Variants in PDE7B observed in about 807,000 individuals in gnomAD.
The protein encoded by PDE7B is phosphodiesterase 7B.
PDE7B carries 29 observed loss-of-function variants against 56.2 expected under a neutral mutation model. That is an observed-to-expected ratio of 0.52 (90% CI 0.38 to 0.70). The LOEUF (loss-of-function observed/expected upper bound fraction) is 0.70, where lower values mean the gene tolerates loss of function less well. Among genes scored for constraint, PDE7B ranks in the 30% least tolerant of loss-of-function variants. The probability of loss-of-function intolerance (pLI) is 0.00; values close to 1 mark genes in which losing one functional copy is unlikely to be tolerated. For synonymous variants in PDE7B, 197 were observed against 196.9 expected, an observed-to-expected ratio of 1.00 and a Z score of 0.00; for missense variants, 490 against 565.0, an observed-to-expected ratio of 0.87 and a Z score of 1.35.
chr6:136,186,309 T>C (rs1264335928), intron 11 of PDE7B, among the ~76,000 whole-genome samples: 2 of 152,070 alleles, frequency 1.3e-5, no homozygotes, highest in African/African-American at 4.8e-5. Flanking sequence ...ATGCCTGTAG[T>C]CCAAGCTACT....
rs1033630147 is a variant in PDE7B at position 136,191,457 on chromosome 6, G to A, written c.1127-157G>A. The stretch of plus-strand genomic sequence containing the variant: ...CGAGGCGGGCGGATCACTTGAGGTC[G>A]GGAGTTCAAGGCCAACCTGGCCAAC... On this transcript the variant is annotated intron_variant, in intron 12 of 12. Transcript: ENST00000308191. 113 of 645,146 alleles carry A rather than the reference G, an allele frequency of 1.8e-4. 4 individuals carry two copies. The South Asian group carries it at 2.1e-3, about 12-fold the overall frequency. 40.0% of individuals were successfully genotyped at this position (645,146 alleles called of 1,614,324 possible). A position where few individuals can be genotyped will look rare whatever the true frequency, so the allele number is the denominator to read the frequency against.
intron 3 of PDE7B, chr6:136,117,222 T>TA (rs1777848455): frequency 6.6e-6 from 1 of 152,224 alleles, no homozygotes; most frequent in African/African-American, 2.4e-5. Context: ...AAGTTTTTTT[T>TA]ACTGAAGTTA....
At chr6:135,990,098 G>GTTT (rs34915536) in intron 2 of PDE7B, among the ~76,000 whole-genome samples, 12 of 137,794 alleles carry the variant, frequency 8.7e-5, no homozygotes, top group Non-Finnish European at 1.3e-4. Context: ...GGGTTTTTTT[G>GTTT]TTTTTTTTTT....
chr6:136,185,085 T>C, intron 11 of PDE7B, among the ~76,000 whole-genome samples: 1 of 152,138 alleles, frequency 6.6e-6, no homozygotes, highest in Non-Finnish European at 1.5e-5. Context: ...CTTAATATTA[T>C]ATGGTGTTCT....
chr6:135,922,410 A>AG (rs2128195566), intron 1 of PDE7B, among the ~76,000 whole-genome samples: 1 of 152,262 alleles, frequency 6.6e-6, no homozygotes, highest in East Asian at 1.9e-4. Context: ...TGAATTCCCA[A>AG]GGGGGTGAGT....
At chr6:135,969,405 C>T (rs922807196) in intron 2 of PDE7B, among the ~76,000 whole-genome samples, 14 of 152,064 alleles carry the variant, frequency 9.2e-5, no homozygotes, top group Non-Finnish European at 2.1e-4. Context: ...AAAGAAACTT[C>T]TCTATAATGA....
At chr6:135,885,766 A>T (rs1775696744) in intron 1 of PDE7B, among the ~76,000 whole-genome samples, 2 of 152,236 alleles carry the variant, frequency 1.3e-5, no homozygotes, top group Non-Finnish European at 2.9e-5. Context: ...TGATGACTAG[A>T]AGAAAGAACC....
At chr6:136,175,638 TAA>T (rs1778964756) in intron 9 of PDE7B, among the ~76,000 whole-genome samples, 1 of 152,172 alleles carries the variant, frequency 6.6e-6, no homozygotes, top group Non-Finnish European at 1.5e-5. Flanking sequence ...TTATTTACAA[TAA>T]AGACTTTTTT....
intron 2 of PDE7B, among the ~76,000 whole-genome samples, chr6:135,957,866 G>T (rs1173369042): frequency 6.6e-6 from 1 of 152,102 alleles, no homozygotes; most frequent in African/African-American, 2.4e-5. Flanking sequence ...GAGACCAAAG[G>T]TGCTAAGCCA....
At chr6:135,881,510 A>G (rs1775610459) in intron 1 of PDE7B, among the ~76,000 whole-genome samples, 1 of 152,176 alleles carries the variant, frequency 6.6e-6, no homozygotes, top group Non-Finnish European at 1.5e-5. Flanking sequence ...CTGTCTCAAA[A>G]AAAAAGAAAT....
intron 1 of PDE7B, among the ~76,000 whole-genome samples, chr6:135,861,380 T>C (rs9885953): frequency 0.082 from 12,402 of 151,760 alleles, 1,396 homozygotes; most frequent in African/African-American, 0.26. Flanking sequence ...TGGTAACTTA[T>C]CTTGGTTTTA....
chr6:135,899,766 A>T (rs1412423656), intron 1 of PDE7B, among the ~76,000 whole-genome samples: 1 of 152,070 alleles, frequency 6.6e-6, no homozygotes, highest in African/African-American at 2.4e-5. Context: ...TTAAATATAG[A>T]TCTTTTTGGA....
intron 2 of PDE7B, among the ~76,000 whole-genome samples, chr6:136,047,970 C>T (rs769993830): frequency 2.6e-5 from 4 of 152,122 alleles, no homozygotes; most frequent in Admixed American, 6.5e-5. Flanking sequence ...AGTGTTTATT[C>T]AACTAAGTTT....
chr6:136,061,648 C>T (rs553781885), intron 2 of PDE7B, among the ~76,000 whole-genome samples: 1 of 152,304 alleles, frequency 6.6e-6, no homozygotes, highest in South Asian at 2.1e-4. Context: ...CAAACTCAAC[C>T]ACTCATAGAG....
At chr6:136,047,809 T>C (rs1481005396) in intron 2 of PDE7B, among the ~76,000 whole-genome samples, 1 of 152,214 alleles carries the variant, frequency 6.6e-6, no homozygotes, top group East Asian at 1.9e-4. Context: ...GTGCATAGCA[T>C]TGTGCTTTCT....
chr6:135,880,166 C>A (rs554381917), intron 1 of PDE7B, among the ~76,000 whole-genome samples: 1 of 152,204 alleles, frequency 6.6e-6, no homozygotes, highest in Non-Finnish European at 1.5e-5. Context: ...ACATGCTCAG[C>A]CTGAGCCTGT....
chr6:136,133,249 AT>A (rs1356216583), intron 3 of PDE7B, among the ~76,000 whole-genome samples: 54 of 151,298 alleles, frequency 3.6e-4, no homozygotes, highest in African/African-American at 1.3e-3. Flanking sequence ...AATATTAATA[AT>A]AATAAAACAA....
intron 1 of PDE7B, among the ~76,000 whole-genome samples, chr6:135,875,776 A>G (rs1356261333): frequency 6.6e-6 from 1 of 152,228 alleles, no homozygotes; most frequent in Non-Finnish European, 1.5e-5. Context: ...AACAGGATCT[A>G]GAATTCTCTA....
At chr6:135,995,516 G>C (rs1203251210) in intron 2 of PDE7B, among the ~76,000 whole-genome samples, 5 of 152,214 alleles carry the variant, frequency 3.3e-5, no homozygotes, top group Non-Finnish European at 7.3e-5. Context: ...AGGGGTAACA[G>C]CAGAAAATGA....
Sources: allele counts gnomAD v4.1 joint callset (sites outside exome capture counted in the v4.1 genomes callset), GRCh38; gene constraint gnomAD v4.1.1; transcripts MANE v1.5; gene names NCBI Gene and HGNC (gene_info 2026-07-23, HGNC 2026-07-21).